Variants in RUNX1 observed in about 807,000 individuals in gnomAD.
RUNX1 encodes the protein RUNX family transcription factor 1.
Under a neutral mutation model 42.8 loss-of-function variants are expected in RUNX1, and 19 were observed. That is an observed-to-expected ratio of 0.44 (90% CI 0.31 to 0.65). The LOEUF is 0.65. Ranked by LOEUF, RUNX1 falls within the 30% of genes least tolerant of loss-of-function variation. RUNX1 has a pLI of 0.07. For synonymous variants in RUNX1, 271 were observed against 289.4 expected (o/e 0.94, Z 0.64); for missense variants, 528 against 672.0 (o/e 0.79, Z 2.37).
In RUNX1 at chr21:34,886,882, C is replaced by A. The variant is rs2057998343; in HGVS notation, c.312G>T (p.Thr104=). The part of the protein sequence containing the change: ...SPNFLCSVLP[T]HWRCNKTLPI... ...GCAGGGTCTTGTTGCAGCGCCAGTGCGTAGGCAGCACGGAGCAGAGGAAGT... is the reference window on the plus strand; with the variant it reads ...GCAGGGTCTTGTTGCAGCGCCAGTGAGTAGGCAGCACGGAGCAGAGGAAGT... The change falls in exon 4 of 9, where the codon ACG becomes ACT. Residue 104 remains threonine (T), a synonymous_variant. Coordinates refer to ENST00000675419, the MANE Select transcript of RUNX1 (RefSeq NM_001754.5). 2 of 1,613,672 alleles carry A rather than the reference C, an allele frequency of 1.2e-6. No individual in the cohort carries two copies. Among genetic ancestry groups the A allele is most frequent in the African/African-American group, 2.7e-5 (2 of 75,036 alleles).
At chr21:34,982,313 T>C (rs1782596385) in intron 2 of RUNX1, among the ~76,000 whole-genome samples, 1 of 152,044 alleles carries the variant, frequency 6.6e-6, no homozygotes, top group South Asian at 2.1e-4. Context: ...ATTCATTAAG[T>C]AAAATAAAGA....
chr21:34,821,822 ATTC>A (rs1489716972), intron 7 of RUNX1: 1 of 765,354 alleles, frequency 1.3e-6, no homozygotes, highest in African/African-American at 1.7e-5. Flanking sequence ...TCAGGAAGAG[ATTC>A]TGGAATAGGA....
intron 2 of RUNX1, among the ~76,000 whole-genome samples, chr21:34,967,875 T>C (rs1421539167): frequency 6.6e-6 from 1 of 152,190 alleles, no homozygotes; most frequent in Admixed American, 6.5e-5. Context: ...GAAAGACATC[T>C]TTTCCACGTC....
chr21:34,898,839 A>G (rs2058151079), intron 2 of RUNX1, among the ~76,000 whole-genome samples: 1 of 152,200 alleles, frequency 6.6e-6, no homozygotes, highest in Non-Finnish European at 1.5e-5. Context: ...GGTTTCCCAT[A>G]AGCTCCCAGT....
chr21:34,805,951 A>T (rs1034675643), intron 7 of RUNX1, among the ~76,000 whole-genome samples: 17 of 152,222 alleles, frequency 1.1e-4, no homozygotes, highest in Non-Finnish European at 2.2e-4. Context: ...TACTTTTCAA[A>T]CTTTAGGGCA....
intron 2 of RUNX1, among the ~76,000 whole-genome samples, chr21:34,987,705 G>A (rs536551484): frequency 6.6e-6 from 1 of 152,292 alleles, no homozygotes; most frequent in East Asian, 1.9e-4. Context: ...ATCCTAGCTA[G>A]GAGAGCACCA....
chr21:34,975,036 C>G (rs2058790845), intron 2 of RUNX1, among the ~76,000 whole-genome samples: 1 of 147,964 alleles, frequency 6.8e-6, no homozygotes, highest in Non-Finnish European at 1.5e-5. Flanking sequence ...AAGTGTAATA[C>G]TAGGCAGAGC....
chr21:34,881,774 C>A (rs1348634041), intron 4 of RUNX1, among the ~76,000 whole-genome samples: 1 of 152,142 alleles, frequency 6.6e-6, no homozygotes, highest in Non-Finnish European at 1.5e-5. Flanking sequence ...AAAAGCATGA[C>A]CTAAAGATAC....
At chr21:34,987,767 G>A (rs746802776) in intron 2 of RUNX1, among the ~76,000 whole-genome samples, 1 of 152,166 alleles carries the variant, frequency 6.6e-6, no homozygotes, top group African/African-American at 2.4e-5. Flanking sequence ...ACAGGAATTC[G>A]GCAGAACCCC....
chr21:34,841,855 T>C (rs918332420), intron 6 of RUNX1, among the ~76,000 whole-genome samples: 1 of 152,224 alleles, frequency 6.6e-6, no homozygotes, highest in Non-Finnish European at 1.5e-5. Flanking sequence ...GCTTAGGTTT[T>C]CTCCATAGCA....
At chr21:35,019,683 A>T (rs1569153432) in intron 2 of RUNX1, among the ~76,000 whole-genome samples, 1 of 152,146 alleles carries the variant, frequency 6.6e-6, no homozygotes, top group Non-Finnish European at 1.5e-5. Flanking sequence ...GCTGAATAAG[A>T]CCTATGCAAA....
At chr21:34,979,766 T>C (rs962550853) in intron 2 of RUNX1, among the ~76,000 whole-genome samples, 13 of 152,240 alleles carry the variant, frequency 8.5e-5, no homozygotes, top group African/African-American at 3.1e-4. Flanking sequence ...ATGTTCACAG[T>C]AGTATAAAAA....
intron 2 of RUNX1, among the ~76,000 whole-genome samples, chr21:35,019,842 C>T (rs2146940015): frequency 6.6e-6 from 1 of 152,248 alleles, no homozygotes; most frequent in Non-Finnish European, 1.5e-5. Context: ...GAAAATCGTG[C>T]ACTGATCAGT....
At chr21:34,961,036 T>G (rs1378701092) in intron 2 of RUNX1, among the ~76,000 whole-genome samples, 1 of 152,208 alleles carries the variant, frequency 6.6e-6, no homozygotes, top group Non-Finnish European at 1.5e-5. Flanking sequence ...TAAAAGCTCC[T>G]CATTAGTGAC....
chr21:34,873,584 C>T (rs2057770393), intron 5 of RUNX1, among the ~76,000 whole-genome samples: 2 of 152,234 alleles, frequency 1.3e-5, no homozygotes, highest in Admixed American at 1.3e-4. Flanking sequence ...AGTCTAGCAG[C>T]AGAATGGCCG....
At chr21:34,874,610 CAAAAAA>C (rs59950735) in intron 5 of RUNX1, among the ~76,000 whole-genome samples, 3 of 25,298 alleles carry the variant, frequency 1.2e-4, no homozygotes, top group African/African-American at 4.6e-4. Context: ...AACTCTGTCT[CAAAAAA>C]AAAAAAAAAA....
chr21:34,930,297 A>ATATATATATATATATATATGT (rs1569110430), intron 2 of RUNX1, among the ~76,000 whole-genome samples: 1 of 131,064 alleles, frequency 7.6e-6, no homozygotes, highest in African/African-American at 3.6e-5. Context: ...TATATAAATA[A>ATATATATATATATATATATGT]ATAAATAAAA....
rs902762123 is a variant in RUNX1 at position 34,834,480 on chromosome 21, G to C, written c.735C>G (p.Pro245=). 2 of 1,613,060 alleles carry C rather than the reference G, an allele frequency of 1.2e-6. No homozygotes were observed. Among genetic ancestry groups the C allele is most frequent in the African/African-American group, 1.3e-5 (1 of 74,966 alleles). ...TCAGGGAGGCACGAGGGTTGGGCGT[G>C]GGGGCTGGGTGGTGTGGGCTGACCC... is the stretch of plus-strand genomic sequence containing the variant. The part of the protein sequence containing the change: ...AMRVSPHHPA[P]TPNPRASLNH... The change falls in exon 7 of 9, where the codon CCC becomes CCG. Residue 245 remains proline, a synonymous_variant. Coordinates refer to ENST00000675419, the MANE Select transcript of RUNX1 (RefSeq NM_001754.5).
rs143337636 is a variant in RUNX1 at position 35,022,913 on chromosome 21, T to C, written c.58+25929A>G. On this transcript the variant is annotated intron_variant, in intron 2 of 8. Coordinates refer to ENST00000675419, the MANE Select transcript of RUNX1 (RefSeq NM_001754.5). ...TCTGTTTGAATAATAATAATAATAA[T>C]AATAATAAGGCGGAGATTATTTTTT... 1.8e-3 allele frequency among the ~76,000 whole-genome samples: 271 copies of C among 150,100 alleles called. 1 individual carries two copies. Among genetic ancestry groups the C allele is most frequent in the African/African-American group, 5.9e-3 (243 of 41,076 alleles).
Sources: allele counts gnomAD v4.1 joint callset (sites outside exome capture counted in the v4.1 genomes callset), GRCh38; gene constraint gnomAD v4.1.1; transcripts MANE v1.5; gene names NCBI Gene and HGNC (gene_info 2026-07-23, HGNC 2026-07-21).